The following APOA5 variants were observed in gnomAD, a reference collection of about 807,000 sequenced individuals.
The protein encoded by APOA5 is apolipoprotein A5, also known as apolipoprotein A-V.
Under a neutral mutation model 31.8 loss-of-function variants are expected in APOA5, and 26 were observed. That is an observed-to-expected ratio of 0.82 (90% CI 0.60 to 1.13). The LOEUF (loss-of-function observed/expected upper bound fraction) is 1.13. Among genes scored for constraint, APOA5 ranks in the 50% most tolerant of loss-of-function variants. APOA5 has a pLI of 0.00. For synonymous variants in APOA5, 186 were observed against 198.5 expected (o/e 0.94, Z 0.53); for missense variants, 450 against 488.0 (o/e 0.92, Z 0.73).
chr11:116,789,531 T>G lies in APOA5; in HGVS notation c.*597A>C. 4.9e-5 allele frequency: 8 copies of G among 163,248 alleles called. No homozygotes were observed. The highest frequency in any genetic ancestry group is 1.7e-4 in the South Asian group (1 of 5,894). 10.1% of individuals were successfully genotyped at this position (163,248 alleles called of 1,614,324 possible). A position where few individuals can be genotyped will look rare whatever the true frequency, so the allele number is the denominator to read the frequency against. On this transcript the variant is annotated 3_prime_UTR_variant, in exon 3 of 3. Coordinates refer to ENST00000227665, the MANE Select transcript of APOA5 (RefSeq NM_001371904.1). ...AGTCCCTTATTTAGGTGTAGAGCTA[T>G]GTCAGGAAACATGGGCTCTGCCCTC...
In APOA5 at chr11:116,790,693, C is replaced by G; in HGVS notation, c.536G>C (p.Arg179Pro). ...GAAGCGGCCGGTGTGGTGCACCACG[C>G]GGCTCTGCAGTCCCTGCAGCAAAGC... ...AWALLQGLQSRVVHHTGRFKE... is the reference protein window; with the variant it reads ...AWALLQGLQSPVVHHTGRFKE... The change falls in exon 3 of 3, where the codon CGC becomes CCC. Residue 179 changes from arginine (R) to proline (P), a missense_variant. By Grantham distance (103) the Arg-to-Pro change is moderately radical. Coordinates refer to ENST00000227665, the MANE Select transcript of APOA5 (RefSeq NM_001371904.1). 2.5e-6 allele frequency: 4 copies of G among 1,612,612 alleles called. No homozygotes were observed. The highest frequency in any genetic ancestry group is 3.4e-6 in the Non-Finnish European group (4 of 1,179,908).
In APOA5 at chr11:116,790,853, G is replaced by T. The variant is rs140178861; in HGVS notation, c.376C>A (p.Arg126=). 39 of 1,613,462 alleles carry T rather than the reference G, an allele frequency of 2.4e-5. No individual in the cohort carries two copies. Among genetic ancestry groups the T allele is most frequent in the African/African-American group, 4.0e-5 (3 of 74,858 alleles). The change falls in exon 3 of 3, where the codon CGG becomes AGG. Residue 126 remains arginine (R), a synonymous_variant. Transcript: ENST00000227665. ...ELVGWNLEGL[R]QQLKPYTMDL... ...ATCGTGTAGGGCTTCAGTTGCTGCC[G>T]CAAGCCCTCCAAATTCCAGCCCACC... is the stretch of plus-strand genomic sequence containing the variant.
chr11:116,791,531 G>A, intron 2 of APOA5, 55 bp downstream of exon 2: 2 of 1,515,612 alleles, frequency 1.3e-6, no homozygotes, highest in Non-Finnish European at 1.8e-6. Context: ...AGGTCATCAT[G>A]GCATGGCCCA....
rs1940958805 is a variant in APOA5 at position 116,789,796 on chromosome 11, C to T, written c.*332G>A. The T allele has an allele frequency of 2.2e-5, 9 of 414,522 alleles. No homozygotes were observed. The highest frequency in any genetic ancestry group is 1.8e-4 in the South Asian group (8 of 44,078). 25.7% of individuals were successfully genotyped at this position (414,522 alleles called of 1,614,324 possible). On this transcript the variant is annotated 3_prime_UTR_variant, in exon 3 of 3. Coordinates refer to ENST00000227665, the MANE Select transcript of APOA5 (RefSeq NM_001371904.1). The stretch of plus-strand genomic sequence containing the variant: ...ATGTAGTGGCACAGGCTTCCAGCAT[C>T]ACGGCAAACAGGCTTGCAGATAATC...
rs372918863 is a variant in APOA5, at chr11:116,790,335, G to A, written c.894C>T (p.Ala298=). The A allele has an allele frequency of 1.9e-6, 3 of 1,614,190 alleles. No homozygotes were observed. The East Asian group carries it at 6.7e-5, about 36-fold the overall frequency. The stretch of plus-strand genomic sequence containing the variant: ...TCTCCTGGTCGATGGCGCGAGTGAA[G>A]GCAGCTATCTGCAGGTAGGTGTCCT... ...FRQDTYLQIA[A]FTRAIDQETE... The change falls in exon 3 of 3, where the codon GCC becomes GCT. Residue 298 remains alanine, a synonymous_variant. Transcript: ENST00000227665.
rs41389248 is a variant in APOA5, at chr11:116,791,518, G to A, written c.161+68C>T. 3.2e-4 allele frequency: 459 copies of A among 1,443,782 alleles called. 1 individual carries two copies. The highest frequency in any genetic ancestry group is 9.0e-4 in the Middle Eastern group (4 of 4,434). The allele number at this position is 1,443,782 out of a possible 1,614,324, so 89.4% of individuals were successfully genotyped here. A position where few individuals can be genotyped will look rare whatever the true frequency, so the allele number is the denominator to read the frequency against. ...CGGCCACAGAGGTTGAGGCAGCAGAGGCAGGTCATCATGGCATGGCCCAGC... is the reference window on the plus strand; with the variant it reads ...CGGCCACAGAGGTTGAGGCAGCAGAAGCAGGTCATCATGGCATGGCCCAGC... On this transcript the variant is annotated intron_variant, in intron 2 of 2. Transcript: ENST00000227665.
Position 116,790,084 on chromosome 11 carries a change from C to A in APOA5, c.*44G>T, listed in dbSNP as rs752304853. 1 of 1,591,970 alleles carries A rather than the reference C, an allele frequency of 6.3e-7. No individual in the cohort carries two copies. The highest frequency in any genetic ancestry group is 8.6e-7 in the Non-Finnish European group (1 of 1,164,830). On this transcript the variant is annotated 3_prime_UTR_variant, in exon 3 of 3. Transcript: ENST00000227665. ...CCATGCTAGAGGCTCAGAGCCAAGG[C>A]TCCCCAGACAAGGAGCTGGGAATGG...
At position 116,789,526 on chromosome 11, in the gene APOA5, A is replaced by ATCTCGGTGGTG; in HGVS notation, c.*601_*602insCACCACCGAGA. 1.7e-5 allele frequency: 3 copies of ATCTCGGTGGTG among 173,580 alleles called. No homozygotes were observed. Among genetic ancestry groups the ATCTCGGTGGTG allele is most frequent in the Non-Finnish European group, 3.8e-5 (3 of 79,714 alleles). The allele number at this position is 173,580 out of a possible 1,614,324, so 10.8% of individuals were successfully genotyped here. A position where few individuals can be genotyped will look rare whatever the true frequency, so the allele number is the denominator to read the frequency against. ...GGTTCAGTCCCTTATTTAGGTGTAG[A>ATCTCGGTGGTG]GCTATGTCAGGAAACATGGGCTCTG... On this transcript the variant is annotated 3_prime_UTR_variant, in exon 3 of 3. Transcript: ENST00000227665.
Position 116,790,644 on chromosome 11 carries a change from G to T in APOA5, c.585C>A (p.Ala195=). The T allele has an allele frequency of 6.2e-7, 1 of 1,611,480 alleles. No individual in the cohort carries two copies. The highest frequency in any genetic ancestry group is 8.5e-7 in the Non-Finnish European group (1 of 1,179,820). ...GRFKELFHPY[A]ESLVSGIGRH... ...GCCCGATGCCGCTCACCAGGCTCTC[G>T]GCGTATGGGTGGAAGAGCTCTTTGA... Residue 195 remains alanine, a synonymous_variant, in exon 3 of 3, where the codon GCC becomes GCA. Transcript: ENST00000227665.
At position 116,791,259 on chromosome 11, in the gene APOA5, A is replaced by G. The variant is rs1941005851; in HGVS notation, c.162-192T>C. 5 of 708,266 alleles carry G rather than the reference A, an allele frequency of 7.1e-6. No individual in the cohort carries two copies. The East Asian group carries it at 1.3e-4, about 19-fold the overall frequency. 43.9% of individuals were successfully genotyped at this position (708,266 alleles called of 1,614,324 possible). On this transcript the variant is annotated intron_variant, in intron 2 of 2. Coordinates refer to ENST00000227665, the MANE Select transcript of APOA5 (RefSeq NM_001371904.1). ...AAGCACAAACACATTGCCCATACAA[A>G]TCCAGACCTACAACACTCTCCAAAG...
chr11:116,791,978 G>A, upstream of APOA5: 1 of 1,129,062 alleles, frequency 8.9e-7, no homozygotes, highest in Non-Finnish European at 1.3e-6. Flanking sequence ...CCGAAATCCT[G>A]TTACCCCTTC....
chr11:116,789,823 C>T lies in APOA5; in HGVS notation c.*305G>A, dbSNP rs76463524. 654 of 474,970 alleles carry T rather than the reference C, an allele frequency of 1.4e-3. 1 individual carries two copies. The highest frequency in any genetic ancestry group is 2.2e-3 in the South Asian group (103 of 46,604). The allele number at this position is 474,970 out of a possible 1,614,324, so 29.4% of individuals were successfully genotyped here. A position where few individuals can be genotyped will look rare whatever the true frequency, so the allele number is the denominator to read the frequency against. On this transcript the variant is annotated 3_prime_UTR_variant, in exon 3 of 3. Coordinates refer to ENST00000227665, the MANE Select transcript of APOA5 (RefSeq NM_001371904.1). Reference sequence around the variant, plus strand: ...CGGCAAACAGGCTTGCAGATAATCACCCACATGCATGGTGCCTCTCCCTCC... The same window carrying T: ...CGGCAAACAGGCTTGCAGATAATCATCCACATGCATGGTGCCTCTCCCTCC...
chr11:116,791,831 C>T lies in APOA5; in HGVS notation c.30G>A (p.Trp10Ter). Residue 10 changes from tryptophan (W) to a stop codon, truncating the protein, a stop_gained, in exon 1 of 3, where the codon TGG becomes TGA. Transcript: ENST00000227665. LOFTEE classifies it high-confidence loss of function. MASMAAVLT[W>*]ALALLSAFSA... ...ACCCACCTGAAAGAAGAGCCAGAGCCCAGGTGAGCACGGCAGCCATGCTTG... is the reference window on the plus strand; with the variant it reads ...ACCCACCTGAAAGAAGAGCCAGAGCTCAGGTGAGCACGGCAGCCATGCTTG... 2 of 1,614,214 alleles carry T rather than the reference C, an allele frequency of 1.2e-6. No homozygotes were observed. Among genetic ancestry groups the T allele is most frequent in the Non-Finnish European group, 1.7e-6 (2 of 1,180,046 alleles).
At position 116,790,141 on chromosome 11, in the gene APOA5, A is replaced by C. The variant is rs749327504; in HGVS notation, c.1088T>G (p.Leu363Arg). The change falls in exon 3 of 3, where the codon CTG becomes CGG. Residue 363 changes from leucine (L) to arginine (R), a missense_variant. Leu to Arg is a moderately radical substitution (Grantham distance 102). Coordinates refer to ENST00000227665, the MANE Select transcript of APOA5 (RefSeq NM_001371904.1). ...HSLHDQGHSH[L>R]GDP The stretch of plus-strand genomic sequence containing the variant: ...GCAGGTAGATCCTCAGGGGTCCCCC[A>C]GATGGCTGTGGCCCTGGTCATGAAG... 3 of 1,614,082 alleles carry C rather than the reference A, an allele frequency of 1.9e-6. No individual in the cohort carries two copies. Among genetic ancestry groups the C allele is most frequent in the Non-Finnish European group, 2.5e-6 (3 of 1,180,032 alleles).
upstream of APOA5, chr11:116,792,251 G>A: frequency 3.0e-6 from 1 of 335,134 alleles, no homozygotes. Flanking sequence ...CATAATGAGG[G>A]CGAAGAGGCA....
At position 116,791,683 on chromosome 11, in the gene APOA5, G is replaced by A. The variant is rs751538202; in HGVS notation, c.64C>T (p.Gln22Ter). The change falls in exon 2 of 3, where the codon CAG (glutamine) becomes TAG (stop). Residue 22 changes from glutamine (Q) to a stop codon, truncating the protein, a stop_gained. Transcript: ENST00000227665. LOFTEE classifies it high-confidence loss of function. ...TAGTCCCAGAAGCCTTTCCGTGCCT[G>A]GGTGGCCGAAAACGCTGTGGAGAGG... ...LALLSAFSAT[Q>*]ARKGFWDYFS... 1.9e-6 allele frequency: 3 copies of A among 1,609,304 alleles called. No individual in the cohort carries two copies. In the African/African-American group the frequency reaches 4.0e-5, roughly 22 times the overall value.
At position 116,790,407 on chromosome 11, in the gene APOA5, G is replaced by T; in HGVS notation, c.822C>A (p.Pro274=). The T allele has an allele frequency of 1.2e-6, 2 of 1,608,840 alleles. No homozygotes were observed. The highest frequency in any genetic ancestry group is 1.7e-6 in the Non-Finnish European group (2 of 1,180,012). The change falls in exon 3 of 3, where the codon CCC becomes CCA. Residue 274 remains proline (P), a synonymous_variant. Transcript: ENST00000227665. The part of the protein sequence containing the change: ...TGTEEGAGPD[P]QMLSEEVRQR... ...GGCGCACCTCCTCGGAGAGCATCTG[G>T]GGGTCCGGGCCGGCCCCTTCCTCAG...
Position 116,790,024 on chromosome 11 carries a change from A to AC in APOA5, c.*103dup. The stretch of plus-strand genomic sequence containing the variant: ...CTCCCTGTCCTGCACAGGACCTTCC[A>AC]CCCTCCACCCAACAGGCCACTTTCA... On this transcript the variant is annotated 3_prime_UTR_variant, in exon 3 of 3. Transcript: ENST00000227665. The AC allele has an allele frequency of 7.7e-7, 1 of 1,294,790 alleles. No homozygotes were observed. The highest frequency in any genetic ancestry group is 1.1e-6 in the Non-Finnish European group (1 of 916,208). 80.2% of individuals were successfully genotyped at this position (1,294,790 alleles called of 1,614,324 possible). A position where few individuals can be genotyped will look rare whatever the true frequency, so the allele number is the denominator to read the frequency against.
Position 116,790,070 on chromosome 11 carries a change from G to T in APOA5, c.*58C>A. ...TTTCAAGGACTGAACCATGCTAGAG[G>T]CTCAGAGCCAAGGCTCCCCAGACAA... is the stretch of plus-strand genomic sequence containing the variant. On this transcript the variant is annotated 3_prime_UTR_variant, in exon 3 of 3. Coordinates refer to ENST00000227665, the MANE Select transcript of APOA5 (RefSeq NM_001371904.1). 1 of 1,565,860 alleles carries T rather than the reference G, an allele frequency of 6.4e-7. No individual in the cohort carries two copies. The highest frequency in any genetic ancestry group is 8.7e-7 in the Non-Finnish European group (1 of 1,146,818).
Sources: gnomAD v4.1 joint callset for allele counts on GRCh38, gnomAD v4.1.1 for gene constraint, MANE v1.5 for transcripts, NCBI Gene and HGNC (gene_info 2026-07-23, HGNC 2026-07-21) for gene names.